Variants in TRAF7 observed in about 807,000 individuals in gnomAD.
The protein encoded by TRAF7 is E3 ubiquitin-protein ligase TRAF7.
Under a neutral mutation model 89.3 loss-of-function variants are expected in TRAF7, and 45 were observed. The observed-to-expected ratio is 0.50, with a 90% CI of 0.40 to 0.65. TRAF7 has a LOEUF of 0.65. Ranked by LOEUF, TRAF7 falls within the 30% of genes least tolerant of loss-of-function variation. TRAF7 has a pLI of 0.00. For missense variants in TRAF7, 677 were observed against 918.1 expected, an observed-to-expected ratio of 0.74 and a Z score of 3.39; for synonymous variants, 406 against 369.2, an observed-to-expected ratio of 1.10 and a Z score of -1.14.
chr16:2,175,626 C>T lies in TRAF7; in HGVS notation c.1626+4C>T, dbSNP rs199572045. 128 of 1,610,570 alleles carry T rather than the reference C, an allele frequency of 7.9e-5. No homozygotes were observed. The highest frequency in any genetic ancestry group is 1.7e-4 in the Middle Eastern group (1 of 6,056). Reference sequence around the variant, plus strand: ...CGGCTCCTACCAGACAATCAAGGTGCGCTTGGGCACACCTGGTGGCCACAG... The same window carrying T: ...CGGCTCCTACCAGACAATCAAGGTGTGCTTGGGCACACCTGGTGGCCACAG... On this transcript the variant is annotated splice_donor_region_variant and intron_variant, in intron 17 of 20. Coordinates refer to ENST00000326181, the MANE Select transcript of TRAF7 (RefSeq NM_032271.3).
intron 3 of TRAF7, among the ~76,000 whole-genome samples, chr16:2,167,551 C>T (rs2093091510): frequency 6.6e-6 from 1 of 152,168 alleles, no homozygotes; most frequent in Admixed American, 6.5e-5. Flanking sequence ...CCTGGCTGTG[C>T]CAGGGACACC....
At chr16:2,170,814 C>G (rs2093106298) in intron 5 of TRAF7, 84 bp downstream of exon 5, 2 of 1,301,300 alleles carry the variant, frequency 1.5e-6, no homozygotes, top group African/African-American at 2.9e-5. Flanking sequence ...CTCCGCCATG[C>G]CCGCCCAGCT....
chr16:2,159,781 C>T lies in TRAF7; in HGVS notation c.-39+3923C>T, dbSNP rs2093050032. On this transcript the variant is annotated intron_variant, in intron 1 of 20. Coordinates refer to ENST00000326181, the MANE Select transcript of TRAF7 (RefSeq NM_032271.3). The surrounding 1 kb of genome is among the most constrained non-coding windows in gnomAD (Gnocchi z 6.5). The stretch of plus-strand genomic sequence containing the variant: ...TGCGCCCCACACATGTTCAGGGGAC[C>T]CCCACACCCCACCTGCTCCGGGTTG... Among the ~76,000 whole-genome samples, 1 of 152,218 alleles carries T rather than the reference C, an allele frequency of 6.6e-6. No individual in the cohort carries two copies. The highest frequency in any genetic ancestry group is 6.5e-5 in the Admixed American group (1 of 15,290).
In TRAF7 at chr16:2,176,911, G is replaced by C. The variant is rs1345020212; in HGVS notation, c.*337G>C. ...CTGTATGTAGATTTGGTTACCTCCT[G>C]GTTGAAATAAATGCTCCACAGACTG... On this transcript the variant is annotated 3_prime_UTR_variant, in exon 21 of 21. Coordinates refer to ENST00000326181, the MANE Select transcript of TRAF7 (RefSeq NM_032271.3). 2.0e-6 allele frequency: 1 copy of C among 494,346 alleles called. No homozygotes were observed. The highest frequency in any genetic ancestry group is 3.7e-6 in the Non-Finnish European group (1 of 269,776). The allele number at this position is 494,346 out of a possible 1,614,324, so 30.6% of individuals were successfully genotyped here.
At chr16:2,160,906 T>A (rs1002534563) in intron 1 of TRAF7, among the ~76,000 whole-genome samples, 1 of 152,058 alleles carries the variant, frequency 6.6e-6, no homozygotes, top group African/African-American at 2.4e-5. Flanking sequence ...GATGCTGAGC[T>A]ATTGTGCTTT....
chr16:2,172,068 C>T, intron 7 of TRAF7, 123 bp from the exon 8 acceptor site: 2 of 1,196,880 alleles, frequency 1.7e-6, no homozygotes, highest in South Asian at 1.4e-5. Context: ...GCCCCCGTTC[C>T]CATGTTGCGT....
At chr16:2,164,113 CAG>C (rs1284616936) in intron 2 of TRAF7, 112 bp downstream of exon 2, 14 of 929,020 alleles carry the variant, frequency 1.5e-5, no homozygotes, top group African/African-American at 6.8e-5. Context: ...GCTGGGGTCT[CAG>C]GGGAGCTCGG....
In TRAF7 at chr16:2,176,385, G is replaced by T; in HGVS notation, c.1998+1G>T. On this transcript the variant is annotated splice_donor_variant, in intron 20 of 20. Coordinates refer to ENST00000326181, the MANE Select transcript of TRAF7 (RefSeq NM_032271.3). LOFTEE classifies it high-confidence loss of function. ...AGGGGCTGTGGATAGCACTGTGAAGGTCAGTGCCCGTGGCTCAGGCCATTC... is the reference window on the plus strand; with the variant it reads ...AGGGGCTGTGGATAGCACTGTGAAGTTCAGTGCCCGTGGCTCAGGCCATTC... The T allele has an allele frequency of 3.1e-6, 5 of 1,609,160 alleles. No individual in the cohort carries two copies. Among genetic ancestry groups the T allele is most frequent in the Non-Finnish European group, 4.2e-6 (5 of 1,179,260 alleles).
chr16:2,175,065 T>C (rs2093129941), intron 14 of TRAF7, 46 bp from the exon 15 acceptor site: 1 of 1,613,098 alleles, frequency 6.2e-7, no homozygotes, highest in African/African-American at 1.3e-5. Flanking sequence ...GGTGTCAGCA[T>C]GGACACAGCT....
Position 2,176,352 on chromosome 16 carries a change from C to T in TRAF7, c.1966C>T (p.Leu656Phe), listed in dbSNP as rs781460337. ...VTALAVSRGR[L>F]FSGAVDSTVK... is the part of the protein sequence containing the mutation. ...CGCGCTGGCTGTGTCCCGGGGCCGA[C>T]TCTTCTCAGGGGCTGTGGATAGCAC... Residue 656 changes from leucine (L) to phenylalanine (F), a missense_variant, in exon 20 of 21, where the codon CTC becomes TTC. Physicochemically the swap from Leu to Phe is conservative, Grantham distance 22 (BLOSUM62 0). Transcript: ENST00000326181. 1.2e-6 allele frequency: 2 copies of T among 1,606,150 alleles called. No homozygotes were observed. The highest frequency in any genetic ancestry group is 1.7e-6 in the Non-Finnish European group (2 of 1,178,328).
intron 7 of TRAF7, among the ~76,000 whole-genome samples, 192 bp downstream of exon 7, chr16:2,171,797 A>G (rs1277514858): frequency 1.3e-5 from 2 of 152,078 alleles, no homozygotes; most frequent in African/African-American, 4.8e-5. Context: ...GAGTGGGGAC[A>G]CCCCAAATTC....
At chr16:2,165,786 C>T (rs1333211009) in intron 2 of TRAF7, 93 bp from the exon 3 acceptor site, 11 of 1,469,418 alleles carry the variant, frequency 7.5e-6, no homozygotes, top group Non-Finnish European at 1.0e-5. Flanking sequence ...GTGGCCTGGC[C>T]TGGTCGCGTG....
rs1392702191 is a variant in TRAF7, at chr16:2,171,617, C to T, written c.475+12C>T. ...CGCCTTGAAGTCAGGTAGGTTTGTGCCCCGGCCCAGGCCTGACGCCGACCG... is the reference window on the plus strand; with the variant it reads ...CGCCTTGAAGTCAGGTAGGTTTGTGTCCCGGCCCAGGCCTGACGCCGACCG... On this transcript the variant is annotated intron_variant, in intron 7 of 20. Transcript: ENST00000326181. The T allele has an allele frequency of 6.2e-7, 1 of 1,613,082 alleles. No individual in the cohort carries two copies. The highest frequency in any genetic ancestry group is 8.5e-7 in the Non-Finnish European group (1 of 1,179,888).
intron 5 of TRAF7, 44 bp downstream of exon 5, chr16:2,170,774 A>G (rs773756266): frequency 6.5e-7 from 1 of 1,526,906 alleles, no homozygotes; most frequent in Non-Finnish European, 8.9e-7. Context: ...CAGGGCTGTC[A>G]CCGCAGCCGT....
intron 1 of TRAF7, among the ~76,000 whole-genome samples, chr16:2,156,293 G>A (rs1180404675): frequency 1.3e-5 from 2 of 152,156 alleles, no homozygotes; most frequent in African/African-American, 4.8e-5. Flanking sequence ...ATTGTAGGAT[G>A]TGGAACAGCT....
chr16:2,165,589 ATGGTTAAGCGTGTGAG>A, intron 2 of TRAF7, among the ~76,000 whole-genome samples: 1 of 126,826 alleles, frequency 7.9e-6, no homozygotes, highest in African/African-American at 3.2e-5. Flanking sequence ...GCCTGGTCGC[ATGGTTAAGCGTGTGAG>A]TGCTGTGTGG....
At chr16:2,166,292 C>T (rs2093086315) in intron 3 of TRAF7, among the ~76,000 whole-genome samples, 1 of 152,212 alleles carries the variant, frequency 6.6e-6, no homozygotes, top group African/African-American at 2.4e-5. Flanking sequence ...CCTGGCCAGC[C>T]TCCGAAAGGT....
rs901392646 is a variant in TRAF7, at chr16:2,158,232, T to A, written c.-39+2374T>A. On this transcript the variant is annotated intron_variant, in intron 1 of 20. Coordinates refer to ENST00000326181, the MANE Select transcript of TRAF7 (RefSeq NM_032271.3). The surrounding 1 kb of genome is among the most constrained non-coding windows in gnomAD (Gnocchi z 4.7). ...GCACCGAGGACTTCACCAGGCCCTC[T>A]GTGTGGATCATGCGGGGGGAACCTG... 4.9e-4 allele frequency among the ~76,000 whole-genome samples: 75 copies of A among 152,328 alleles called. No homozygotes were observed. The highest frequency in any genetic ancestry group is 3.4e-3 in the Middle Eastern group (1 of 294).
chr16:2,171,350 G>A lies in TRAF7; in HGVS notation c.435G>A (p.Thr145=), dbSNP rs145626962. The change falls in exon 6 of 21, where the codon ACG becomes ACA. Residue 145 remains threonine (T), a synonymous_variant. Coordinates refer to ENST00000326181, the MANE Select transcript of TRAF7 (RefSeq NM_032271.3). The part of the protein sequence containing the change: ...CSVFKDPVIT[T]CGHTFCRRCA... Reference sequence around the variant, plus strand: ...TCTTCAAAGACCCCGTGATCACCACGTGTGGGGTGAGCCCGCCGCCCTTCC... The same window carrying A: ...TCTTCAAAGACCCCGTGATCACCACATGTGGGGTGAGCCCGCCGCCCTTCC... 1.2e-4 allele frequency: 182 copies of A among 1,551,736 alleles called. No homozygotes were observed. The African/African-American group carries it at 1.6e-3, about 13-fold the overall frequency.
Sources: gnomAD v4.1 joint callset for allele counts (sites outside exome capture counted in the v4.1 genomes callset) on GRCh38, gnomAD v4.1.1 for gene constraint, Gnocchi (gnomAD v3.1) non-coding constraint, MANE v1.5 for transcripts, NCBI Gene and HGNC (gene_info 2026-07-23, HGNC 2026-07-21) for gene names.